DENND2C: variants seen among roughly 807,000 people sequenced by gnomAD.
DENND2C encodes DENN domain-containing protein 2C.
Under a neutral mutation model 112.4 loss-of-function variants are expected in DENND2C, and 72 were observed. The ratio of observed to expected loss-of-function variants is 0.64; its 90% CI spans 0.53 to 0.78. The LOEUF (loss-of-function observed/expected upper bound fraction) is 0.78. Ranked by LOEUF, DENND2C falls within the 30% of genes least tolerant of loss-of-function variation. The probability of loss-of-function intolerance (pLI) is 0.00; values close to 1 mark genes in which losing one functional copy is unlikely to be tolerated. For missense variants in DENND2C, 992 were observed against 1,113.8 expected (o/e 0.89, Z 1.56); for synonymous variants, 329 against 381.6 (o/e 0.86, Z 1.61).
chr1:114,655,899 T>A (rs866469449), intron 1 of DENND2C, among the ~76,000 whole-genome samples: 5 of 147,700 alleles, frequency 3.4e-5, no homozygotes, highest in African/African-American at 5.0e-5. Context: ...TATATATATA[T>A]AATATGTATG....
intron 18 of DENND2C, among the ~76,000 whole-genome samples, chr1:114,588,712 C>T (rs894657302): frequency 2.0e-5 from 3 of 152,152 alleles, no homozygotes; most frequent in Non-Finnish European, 4.4e-5. Context: ...TATATTTCCC[C>T]ACCAAATAAG....
At chr1:114,611,447 G>T (rs1557944784) in intron 8 of DENND2C, among the ~76,000 whole-genome samples, 1 of 152,104 alleles carries the variant, frequency 6.6e-6, no homozygotes, top group Non-Finnish European at 1.5e-5. Flanking sequence ...TATCCACATA[G>T]TTGTTTGTAT....
At chr1:114,594,009 C>T (rs1557938547) in intron 18 of DENND2C, among the ~76,000 whole-genome samples, 1 of 152,008 alleles carries the variant, frequency 6.6e-6, no homozygotes, top group Non-Finnish European at 1.5e-5. Context: ...ACCTATTTAC[C>T]GAATACTGTT....
chr1:114,610,906 T>C (rs1188706548), intron 9 of DENND2C, among the ~76,000 whole-genome samples, 167 bp downstream of exon 9: 2 of 152,160 alleles, frequency 1.3e-5, no homozygotes, highest in African/African-American at 4.8e-5. Flanking sequence ...CAGTGTTTAA[T>C]TCTGACTGTT....
intron 3 of DENND2C, 25 bp downstream of exon 3, chr1:114,645,423 G>A (rs188289653): frequency 1.3e-5 from 2 of 152,308 alleles, no homozygotes; most frequent in Non-Finnish European, 2.9e-5. Flanking sequence ...ACGAGCCAAG[G>A]AAACAGGCCT....
At chr1:114,653,534 G>A (rs1051223502) in intron 2 of DENND2C, among the ~76,000 whole-genome samples, 2 of 151,986 alleles carry the variant, frequency 1.3e-5, no homozygotes, top group East Asian at 1.9e-4. Flanking sequence ...ATTAAATTAC[G>A]GTGGTTATGC....
At position 114,585,478 on chromosome 1, in the gene DENND2C, C is replaced by A; in HGVS notation, c.*122G>T. On this transcript the variant is annotated 3_prime_UTR_variant, in exon 21 of 21. Transcript: ENST00000393274. ...AGAATCCTCCTCTAACAGCCTGACT[C>A]GCTCTTTAACCTTTTAAAATTTCAA... The A allele has an allele frequency of 2.0e-6, 2 of 1,021,050 alleles. No individual in the cohort carries two copies. Among genetic ancestry groups the A allele is most frequent in the Middle Eastern group, 3.1e-4 (1 of 3,222 alleles). The allele number at this position is 1,021,050 out of a possible 1,614,324, so 63.2% of individuals were successfully genotyped here.
rs770818878 is a variant in DENND2C, at chr1:114,623,519, C to T, written c.931G>A (p.Glu311Lys). The T allele has an allele frequency of 2.5e-6, 4 of 1,604,466 alleles. No homozygotes were observed. The Admixed American group carries it at 6.9e-5, about 28-fold the overall frequency. Residue 311 changes from glutamate (E) to lysine (K), a missense_variant, in exon 5 of 21, where the codon GAA (glutamate) becomes AAA (lysine). Around this residue, in one of 3 missense-constraint regions of DENND2C, gnomAD observed 470 missense variants for 472.7 expected, o/e 0.99. Transcript: ENST00000393274. ...TGTCAACACCTACATATGATATCTTCATAGATATTGTCCTCAGACTGTGTG... is the reference window on the plus strand; with the variant it reads ...TGTCAACACCTACATATGATATCTTTATAGATATTGTCCTCAGACTGTGTG... ...YYTQSEDNIY[E>K]DIIYPTKENP...
At chr1:114,664,375 G>A (rs1356510582) in intron 1 of DENND2C, among the ~76,000 whole-genome samples, 1 of 152,134 alleles carries the variant, frequency 6.6e-6, no homozygotes, top group Non-Finnish European at 1.5e-5. Flanking sequence ...CACTTGGATA[G>A]GCTGAGGCAG....
chr1:114,630,668 A>G (rs1656465475), intron 3 of DENND2C, among the ~76,000 whole-genome samples: 2 of 152,222 alleles, frequency 1.3e-5, no homozygotes, highest in Admixed American at 1.3e-4. Context: ...ACAGTATCAG[A>G]AAAGAGAGCA....
chr1:114,621,535 T>C (rs1570779998), intron 7 of DENND2C, among the ~76,000 whole-genome samples: 1 of 152,358 alleles, frequency 6.6e-6, no homozygotes, highest in East Asian at 1.9e-4. Context: ...CTGAACTCAC[T>C]TTGGCAATCA....
intron 2 of DENND2C, among the ~76,000 whole-genome samples, chr1:114,652,417 T>G (rs945174214): frequency 1.3e-5 from 2 of 152,104 alleles, no homozygotes; most frequent in Non-Finnish European, 2.9e-5. Flanking sequence ...CCCCCTTTTC[T>G]CAAATGGGGG....
intron 18 of DENND2C, among the ~76,000 whole-genome samples, chr1:114,590,678 T>C (rs968948061): frequency 6.7e-6 from 1 of 148,494 alleles, no homozygotes; most frequent in Admixed American, 6.9e-5. Flanking sequence ...TGCGGAAGGC[T>C]GAGGCAGGAG....
chr1:114,665,308 C>T (rs1657618448), intron 1 of DENND2C, among the ~76,000 whole-genome samples: 1 of 150,334 alleles, frequency 6.7e-6, no homozygotes, highest in South Asian at 2.1e-4. Context: ...TTATATGTGC[C>T]ATGCAAATAA....
chr1:114,663,678 A>AT (rs1657563149), intron 1 of DENND2C, among the ~76,000 whole-genome samples: 1 of 152,144 alleles, frequency 6.6e-6, no homozygotes, highest in African/African-American at 2.4e-5. Context: ...TGGTTTTTAC[A>AT]TTTTTTAATG....
intron 2 of DENND2C, among the ~76,000 whole-genome samples, chr1:114,651,871 T>C (rs548494984): frequency 3.0e-4 from 46 of 152,254 alleles, no homozygotes; most frequent in Middle Eastern, 3.4e-3. Flanking sequence ...AGCATCTGTG[T>C]AGGAGGGCTG....
At chr1:114,587,654 T>C in intron 19 of DENND2C, 62 bp downstream of exon 19, 1 of 1,470,698 alleles carries the variant, frequency 6.8e-7, no homozygotes, top group Non-Finnish European at 9.3e-7. Flanking sequence ...TTATTCATAA[T>C]ATAGTAAAAT....
At chr1:114,639,297 T>C (rs1199796516) in intron 3 of DENND2C, among the ~76,000 whole-genome samples, 1 of 152,182 alleles carries the variant, frequency 6.6e-6, no homozygotes, top group African/African-American at 2.4e-5. Flanking sequence ...ATGAAGCCAT[T>C]TGGCCAGGCG....
chr1:114,605,047 C>A lies in DENND2C; in HGVS notation c.1558-16G>T, dbSNP rs1404710979. 6.4e-7 allele frequency: 1 copy of A among 1,565,742 alleles called. No homozygotes were observed. The highest frequency in any genetic ancestry group is 8.8e-7 in the Non-Finnish European group (1 of 1,142,636). On this transcript the variant is annotated splice_polypyrimidine_tract_variant and intron_variant, in intron 10 of 20. Coordinates refer to ENST00000393274, the MANE Select transcript of DENND2C (RefSeq NM_001256404.2). ...CATGATCATCCTGAAAAAGATAACACCATAGGTGACTTAAATTATACTATG... is the reference window on the plus strand; with the variant it reads ...CATGATCATCCTGAAAAAGATAACAACATAGGTGACTTAAATTATACTATG...
Sources: allele counts gnomAD v4.1 joint callset (sites outside exome capture counted in the v4.1 genomes callset), GRCh38; gene constraint gnomAD v4.1.1; regional missense constraint gnomAD v4.1.1; transcripts MANE v1.5; gene names NCBI Gene and HGNC (gene_info 2026-07-23, HGNC 2026-07-21).